Variants in ZEB1 observed in about 807,000 individuals in gnomAD.
The protein encoded by ZEB1 is zinc finger E-box-binding homeobox 1.
In ZEB1, 21 loss-of-function variants were observed where a neutral mutation model predicts 84.9. The ratio of observed to expected loss-of-function variants is 0.25; its 90% confidence interval spans 0.18 to 0.36. The LOEUF (loss-of-function observed/expected upper bound fraction) is 0.36, where lower values mean the gene tolerates loss of function less well. Among genes scored for constraint, ZEB1 ranks in the 10% least tolerant of loss-of-function variants. The pLI, the probability that ZEB1 is intolerant of heterozygous loss-of-function variation, is 1.00. For synonymous variants in ZEB1, 420 were observed against 471.1 expected, an observed-to-expected ratio of 0.89 and a Z score of 1.41; for missense variants, 1,104 against 1,330.2, an observed-to-expected ratio of 0.83 and a Z score of 2.65.
At chr10:31,388,681 GAA>G (rs2049077812) in intron 1 of ZEB1, among the ~76,000 whole-genome samples, 1 of 151,958 alleles carries the variant, frequency 6.6e-6, no homozygotes, top group South Asian at 2.1e-4. Context: ...TATTAGAAAA[GAA>G]ATATAGATTA....
intron 1 of ZEB1, among the ~76,000 whole-genome samples, chr10:31,436,959 T>C (rs1377742453): frequency 2.0e-5 from 3 of 152,214 alleles, no homozygotes; most frequent in African/African-American, 7.2e-5. Flanking sequence ...GGATATTATT[T>C]ATTTTCTGGA....
chr10:31,456,508 G>T (rs919607602), intron 1 of ZEB1, among the ~76,000 whole-genome samples: 2 of 152,070 alleles, frequency 1.3e-5, no homozygotes, highest in Admixed American at 6.6e-5. Flanking sequence ...TATCTGCAGT[G>T]GTAAATTGTT....
chr10:31,505,738 C>T (rs2068869777), intron 4 of ZEB1, among the ~76,000 whole-genome samples: 1 of 151,804 alleles, frequency 6.6e-6, no homozygotes, highest in East Asian at 1.9e-4. Context: ...TTTTAGTCTT[C>T]ATTTCATTGA....
intron 2 of ZEB1, among the ~76,000 whole-genome samples, chr10:31,491,258 A>G (rs1190652467): frequency 6.6e-6 from 1 of 151,794 alleles, no homozygotes; most frequent in Non-Finnish European, 1.5e-5. Context: ...CTGAAAGAAG[A>G]CAGGGAGAGA....
intron 1 of ZEB1, among the ~76,000 whole-genome samples, chr10:31,393,278 A>T (rs1430314904): frequency 6.6e-6 from 1 of 152,198 alleles, no homozygotes; most frequent in Admixed American, 6.5e-5. Context: ...GGACATTTTC[A>T]CTTAAGGTAG....
In ZEB1 at chr10:31,365,776, G is replaced by A. The variant is rs531228037; in HGVS notation, c.58+46484G>A. On this transcript the variant is annotated intron_variant, in intron 1 of 8. Transcript: ENST00000424869. ...AAAAGTAGGGGTGAGATTGAATATA[G>A]CAAAGCTTTATTGTTGATTTTTGTT... Among the ~76,000 whole-genome samples, 8 of 152,252 alleles carry A rather than the reference G, an allele frequency of 5.3e-5. No homozygotes were observed. The South Asian group carries it at 1.7e-3, about 32-fold the overall frequency.
intron 1 of ZEB1, chr10:31,319,910 G>T (rs1239050940): frequency 7.5e-6 from 1 of 132,746 alleles, no homozygotes; most frequent in Admixed American, 7.1e-5. Context: ...GCGGCGGCGG[G>T]ACGGGGCGGC....
chr10:31,391,231 TTGTGTGTGTGTGTGTGTGTGTGTGTG>T, intron 1 of ZEB1, among the ~76,000 whole-genome samples: 1 of 134,690 alleles, frequency 7.4e-6, no homozygotes, highest in African/African-American at 2.9e-5. Context: ...ACAGGTAAGT[TTGTGTGTGTGTGTGTGTGTGTGTGTG>T]TGTGTGTGTG....
intron 1 of ZEB1, among the ~76,000 whole-genome samples, chr10:31,340,803 G>GT (rs1042528847): frequency 6.6e-6 from 1 of 152,176 alleles, no homozygotes; most frequent in African/African-American, 2.4e-5. Context: ...AGGGAGGTCA[G>GT]TGGGAGAGAC....
intron 1 of ZEB1, among the ~76,000 whole-genome samples, chr10:31,410,625 A>G: frequency 6.6e-6 from 1 of 152,130 alleles, no homozygotes; most frequent in East Asian, 1.9e-4. Flanking sequence ...CTGTGAATCC[A>G]TCTGGTCCTG....
intron 2 of ZEB1, among the ~76,000 whole-genome samples, chr10:31,474,447 A>G (rs1342401969): frequency 6.6e-6 from 1 of 152,178 alleles, no homozygotes; most frequent in African/African-American, 2.4e-5. Context: ...GCAGCCAAAA[A>G]ACACATGAAA....
At chr10:31,433,796 C>T (rs887282793) in intron 1 of ZEB1, among the ~76,000 whole-genome samples, 11 of 152,214 alleles carry the variant, frequency 7.2e-5, no homozygotes, top group African/African-American at 2.7e-4. Flanking sequence ...TAGTTTGCTG[C>T]TGCTGCCTTG....
At chr10:31,494,643 A>T (rs765775062) in intron 2 of ZEB1, among the ~76,000 whole-genome samples, 3 of 152,054 alleles carry the variant, frequency 2.0e-5, no homozygotes, top group South Asian at 2.1e-4. Context: ...GTGTGACTGT[A>T]TAAGTATTCT....
chr10:31,492,312 TTA>T (rs1320044090), intron 2 of ZEB1, among the ~76,000 whole-genome samples: 1 of 151,952 alleles, frequency 6.6e-6, no homozygotes, highest in Non-Finnish European at 1.5e-5. Flanking sequence ...GTTCAATAAA[TTA>T]TATGAGATTT....
chr10:31,513,939 G>A lies in ZEB1; in HGVS notation c.688-664G>A, dbSNP rs1592023548. Among the ~76,000 whole-genome samples, 4 of 152,190 alleles carry A rather than the reference G, an allele frequency of 2.6e-5. No homozygotes were observed. In the South Asian group the frequency reaches 8.3e-4, roughly 32 times the overall value. ...GTTTATGAGGAGGAGTTGATAGAAT[G>A]CAATTCAAGCAGTGCTTTTGTAAGA... is the stretch of plus-strand genomic sequence containing the variant. On this transcript the variant is annotated intron_variant, in intron 5 of 8. Transcript: ENST00000424869.
intron 1 of ZEB1, among the ~76,000 whole-genome samples, chr10:31,457,438 G>C (rs1044983526): frequency 6.6e-6 from 1 of 152,020 alleles, no homozygotes; most frequent in Non-Finnish European, 1.5e-5. Context: ...CTAAGTGACA[G>C]AAGCAAAAGA....
intron 1 of ZEB1, among the ~76,000 whole-genome samples, chr10:31,391,377 A>G (rs919349049): frequency 6.6e-6 from 1 of 151,928 alleles, no homozygotes; most frequent in Non-Finnish European, 1.5e-5. Context: ...AGCTTTCGGT[A>G]TATATTTTTC....
intron 4 of ZEB1, among the ~76,000 whole-genome samples, chr10:31,505,363 G>A (rs1045535620): frequency 5.9e-5 from 9 of 152,078 alleles, no homozygotes; most frequent in African/African-American, 1.9e-4. Flanking sequence ...AGGAGAACTA[G>A]TGTTAGCTCT....
At chr10:31,383,641 A>G (rs547076693) in intron 1 of ZEB1, among the ~76,000 whole-genome samples, 186 of 152,308 alleles carry the variant, frequency 1.2e-3, no homozygotes, top group African/African-American at 4.3e-3. Flanking sequence ...CTGATGTGCA[A>G]TTTAAACTTA....
Sources: allele counts gnomAD v4.1 joint callset (sites outside exome capture counted in the v4.1 genomes callset), GRCh38; gene constraint gnomAD v4.1.1; transcripts MANE v1.5; gene names NCBI Gene and HGNC (gene_info 2026-07-23, HGNC 2026-07-21).